The following CUEDC1 variants were observed in gnomAD, a reference collection of about 807,000 sequenced individuals.
CUEDC1 encodes CUE domain-containing protein 1.
Under a neutral mutation model 43.7 loss-of-function variants are expected in CUEDC1, and 30 were observed. That is an observed-to-expected ratio of 0.69 (90% CI 0.51 to 0.93). The LOEUF is 0.93. Among genes scored for constraint, CUEDC1 ranks in the 40% least tolerant of loss-of-function variants. The pLI, the probability that CUEDC1 is intolerant of heterozygous loss-of-function variation, is 0.00. For synonymous variants in CUEDC1, 223 were observed against 223.6 expected, an observed-to-expected ratio of 1.00 and a Z score of 0.02; for missense variants, 486 against 549.0, an observed-to-expected ratio of 0.89 and a Z score of 1.15.
At chr17:57,946,017 C>T (rs140292889) in intron 1 of CUEDC1, among the ~76,000 whole-genome samples, 3,951 of 151,932 alleles carry the variant, frequency 0.026, 68 homozygotes, top group Non-Finnish European at 0.037. Context: ...AAAAAAAACA[C>T]CAAAAAACCA....
At chr17:57,894,783 G>A (rs954417279) in intron 1 of CUEDC1, among the ~76,000 whole-genome samples, 2 of 152,230 alleles carry the variant, frequency 1.3e-5, no homozygotes, top group Non-Finnish European at 2.9e-5. Flanking sequence ...ATGTGGGGCA[G>A]GGACGAGGGC....
chr17:57,868,762 G>A (rs2073995586), intron 7 of CUEDC1, among the ~76,000 whole-genome samples: 2 of 152,196 alleles, frequency 1.3e-5, no homozygotes, highest in Middle Eastern at 6.8e-3. Context: ...GGACTTTGTG[G>A]AAAGAGGTCC....
intron 2 of CUEDC1, among the ~76,000 whole-genome samples, chr17:57,880,844 TA>T (rs1471291046): frequency 2.1e-5 from 3 of 141,664 alleles, no homozygotes; most frequent in Non-Finnish European, 4.5e-5. Context: ...TGATCCACCA[TA>T]GGGGCGGCCC....
chr17:57,870,804 G>GTAGCT (rs1297539389), intron 6 of CUEDC1, among the ~76,000 whole-genome samples: 4 of 152,104 alleles, frequency 2.6e-5, no homozygotes, highest in Non-Finnish European at 4.4e-5. Context: ...AGCCTCCTGA[G>GTAGCT]TAGCTGGGAC....
rs540769978 is a variant in CUEDC1, at chr17:57,942,077, C to T, written c.-316+13148G>A. On this transcript the variant is annotated intron_variant, in intron 1 of 10. Coordinates refer to ENST00000577830, the MANE Select transcript of CUEDC1 (RefSeq NM_001271875.2). ...TACACTTCCCTGGGGACCCCAGGCT[C>T]GGCTCAGAATCCAAATTAAGGTCAG... Among the ~76,000 whole-genome samples, 90 of 152,264 alleles carry T rather than the reference C, an allele frequency of 5.9e-4. 2 individuals carry two copies. The highest frequency in any genetic ancestry group is 2.0e-3 in the African/African-American group (82 of 41,544).
intron 1 of CUEDC1, among the ~76,000 whole-genome samples, chr17:57,948,244 T>C (rs750505658): frequency 2.0e-5 from 3 of 152,178 alleles, no homozygotes; most frequent in Non-Finnish European, 4.4e-5. Context: ...TCAGAAACAC[T>C]GTGTGTATGG....
intron 1 of CUEDC1, among the ~76,000 whole-genome samples, chr17:57,889,052 C>A (rs1420167649): frequency 6.6e-6 from 1 of 152,188 alleles, no homozygotes; most frequent in Non-Finnish European, 1.5e-5. Context: ...ACTCTTGCCA[C>A]TTATAGGGAA....
At chr17:57,914,492 T>C (rs906882626) in intron 1 of CUEDC1, among the ~76,000 whole-genome samples, 1 of 152,030 alleles carries the variant, frequency 6.6e-6, no homozygotes, top group Non-Finnish European at 1.5e-5. Context: ...GGAGGAGCAA[T>C]ATATCTCGGC....
intron 1 of CUEDC1, among the ~76,000 whole-genome samples, chr17:57,922,119 A>G (rs967478436): frequency 6.6e-6 from 1 of 152,028 alleles, no homozygotes; most frequent in South Asian, 2.1e-4. Flanking sequence ...TCTCAAAAAA[A>G]CAAAAAGAGA....
At chr17:57,924,250 C>T (rs999338498) in intron 1 of CUEDC1, among the ~76,000 whole-genome samples, 14 of 152,134 alleles carry the variant, frequency 9.2e-5, no homozygotes, top group African/African-American at 2.7e-4. Context: ...GGACTACGGG[C>T]GGACGCCACC....
intron 1 of CUEDC1, among the ~76,000 whole-genome samples, chr17:57,941,610 T>C (rs943521105): frequency 6.6e-6 from 1 of 152,206 alleles, no homozygotes. Flanking sequence ...TCTCTACTTT[T>C]GTAGATGTTT....
Position 57,863,003 on chromosome 17 carries a change from C to G in CUEDC1, c.*286G>C, listed in dbSNP as rs1463481530. 1 of 152,376 alleles carries G rather than the reference C, an allele frequency of 6.6e-6. No individual in the cohort carries two copies. The highest frequency in any genetic ancestry group is 1.9e-4 in the East Asian group (1 of 5,194). 9.4% of individuals were successfully genotyped at this position (152,376 alleles called of 1,614,324 possible). A position where few individuals can be genotyped will look rare whatever the true frequency, so the allele number is the denominator to read the frequency against. ...AGGGAGGTTGGTTCCTGCATTTCCA[C>G]TCTTTGACCATAGGAACGCCTGGCT... is the stretch of plus-strand genomic sequence containing the variant. On this transcript the variant is annotated 3_prime_UTR_variant, in exon 11 of 11. Transcript: ENST00000577830.
chr17:57,885,208 T>C (rs751954204), intron 2 of CUEDC1, 21 bp downstream of exon 2: 1 of 1,534,042 alleles, frequency 6.5e-7, no homozygotes, highest in South Asian at 1.3e-5. Context: ...GTGGTTGGAA[T>C]TACCCGGGCT....
chr17:57,902,786 T>C (rs1020889869), intron 1 of CUEDC1, among the ~76,000 whole-genome samples: 3 of 152,214 alleles, frequency 2.0e-5, no homozygotes, highest in Non-Finnish European at 4.4e-5. Flanking sequence ...GCACAAACCC[T>C]ATAGCAGAGA....
intron 1 of CUEDC1, among the ~76,000 whole-genome samples, chr17:57,891,472 C>T (rs537476384): frequency 6.6e-6 from 1 of 152,332 alleles, no homozygotes; most frequent in Non-Finnish European, 1.5e-5. Flanking sequence ...CTGCCTCCCA[C>T]GTGTTGGCCT....
chr17:57,900,819 T>A (rs2074463416), intron 1 of CUEDC1, among the ~76,000 whole-genome samples: 1 of 152,220 alleles, frequency 6.6e-6, no homozygotes, highest in Non-Finnish European at 1.5e-5. Context: ...GCTGTTTGCA[T>A]CTCTGCCTGT....
At chr17:57,892,399 G>A (rs572814853) in intron 1 of CUEDC1, 1 of 152,266 alleles carries the variant, frequency 6.6e-6, no homozygotes, top group African/African-American at 2.4e-5. Context: ...AACCCTGAAA[G>A]GTGGGAGTTA....
Position 57,944,210 on chromosome 17 carries a change from A to T in CUEDC1, c.-316+11015T>A, listed in dbSNP as rs201604967. On this transcript the variant is annotated intron_variant, in intron 1 of 10. Transcript: ENST00000577830. Reference sequence around the variant, plus strand: ...ATTATTTATTTTTTTATATATATATATTTTTTTTTTTTTTTTTGAGACGGA... The same window carrying T: ...ATTATTTATTTTTTTATATATATATTTTTTTTTTTTTTTTTTTGAGACGGA... Among the ~76,000 whole-genome samples the T allele has an allele frequency of 1.7e-3, 241 of 139,814 alleles. 2 individuals carry two copies. The highest frequency in any genetic ancestry group is 6.2e-3 in the South Asian group (28 of 4,530). The allele number at this position is 139,814 out of a possible 152,430, so 91.7% of individuals were successfully genotyped here.
At position 57,861,795 on chromosome 17, in the gene CUEDC1, C is replaced by G. The variant is rs1439311537; in HGVS notation, c.*1494G>C. On this transcript the variant is annotated 3_prime_UTR_variant, in exon 11 of 11. Transcript: ENST00000577830. ...ACTCGAGCTGGGGTACCGAGGCACT[C>G]CTCGGAGACCCCCCCCCCTCCCTCC... 6.6e-6 allele frequency: 1 copy of G among 150,420 alleles called. No homozygotes were observed. The highest frequency in any genetic ancestry group is 2.5e-5 in the African/African-American group (1 of 40,296). The allele number at this position is 150,420 out of a possible 1,614,324, so 9.3% of individuals were successfully genotyped here. A position where few individuals can be genotyped will look rare whatever the true frequency, so the allele number is the denominator to read the frequency against.
Sources: gnomAD v4.1 joint callset for allele counts (sites outside exome capture counted in the v4.1 genomes callset) on GRCh38, gnomAD v4.1.1 for gene constraint, MANE v1.5 for transcripts, NCBI Gene and HGNC (gene_info 2026-07-23, HGNC 2026-07-21) for gene names.